The following CELSR3 variants were observed in gnomAD, a reference collection of about 807,000 sequenced individuals.
The protein encoded by CELSR3 is EGF-like protein 1.
CELSR3 carries 73 observed loss-of-function variants against 270.0 expected under a neutral mutation model. The ratio of observed to expected loss-of-function variants is 0.27; its 90% CI spans 0.22 to 0.33. The LOEUF is 0.33. Ranked by LOEUF, CELSR3 falls within the 10% of genes least tolerant of loss-of-function variation. The pLI, the probability that CELSR3 is intolerant of heterozygous loss-of-function variation, is 1.00. For missense variants in CELSR3, 3,614 were observed against 4,533.8 expected (o/e 0.80, Z 5.83); for synonymous variants, 1,780 against 1,905.4 (o/e 0.93, Z 1.71).
chr3:48,646,627 C>T lies in CELSR3; in HGVS notation c.7295+136G>A. The T allele has an allele frequency of 1.1e-6, 1 of 902,608 alleles. No homozygotes were observed. The highest frequency in any genetic ancestry group is 1.8e-5 in the South Asian group (1 of 56,884). The allele number at this position is 902,608 out of a possible 1,614,324, so 55.9% of individuals were successfully genotyped here. On this transcript the variant is annotated intron_variant, in intron 21 of 34. Transcript: ENST00000164024. This position sits in a 1 kb window ranked among gnomAD's most constrained non-coding sequence, Gnocchi z 4.8. Reference sequence around the variant, plus strand: ...ACAACTCCAGAGAATAAGATTCACACAGAACCCGGCAAGGATGGGGCTCCC... The same window carrying T: ...ACAACTCCAGAGAATAAGATTCACATAGAACCCGGCAAGGATGGGGCTCCC...
At position 48,646,774 on chromosome 3, in the gene CELSR3, G is replaced by A. The variant is rs763209519; in HGVS notation, c.7284C>T (p.Arg2428=). 6 of 1,609,414 alleles carry A rather than the reference G, an allele frequency of 3.7e-6. No individual in the cohort carries two copies. The highest frequency in any genetic ancestry group is 2.2e-5 in the East Asian group (1 of 44,502). Residue 2428 remains arginine, a synonymous_variant, in exon 21 of 35, where the codon CGC becomes CGT. Transcript: ENST00000164024. This position sits in a 1 kb window ranked among gnomAD's most constrained non-coding sequence, Gnocchi z 4.8. Reference sequence around the variant, plus strand: ...AGGGGCCTGAGTACCTGGCACCTCGGCGTTCTGCCTGGAACTGGGCAGGGA... The same window carrying A: ...AGGGGCCTGAGTACCTGGCACCTCGACGTTCTGCCTGGAACTGGGCAGGGA... ...GLLPAQFQAE[R]RGARLPQNPV...
At position 48,646,972 on chromosome 3, in the gene CELSR3, C is replaced by T. The variant is rs756805102; in HGVS notation, c.7130-44G>A. On this transcript the variant is annotated intron_variant, in intron 20 of 34. Coordinates refer to ENST00000164024, the MANE Select transcript of CELSR3 (RefSeq NM_001407.3). This position sits in a 1 kb window ranked among gnomAD's most constrained non-coding sequence, Gnocchi z 4.8. ...GAGCTTCTGTCAGTGACCTTTGACC[C>T]AAAGCACCCACCAACCCAGCTCTGA... The T allele has an allele frequency of 2.3e-5, 34 of 1,468,934 alleles. No homozygotes were observed. The highest frequency in any genetic ancestry group is 2.9e-5 in the Non-Finnish European group (32 of 1,111,188). The allele number at this position is 1,468,934 out of a possible 1,614,324, so 91.0% of individuals were successfully genotyped here.
Position 48,659,837 on chromosome 3 carries a change from G to A in CELSR3, c.2798C>T (p.Ala933Val). The change falls in exon 1 of 35, where the codon GCT (alanine) becomes GTT (valine). Residue 933 changes from alanine (A) to valine (V), a missense_variant. Physicochemically the swap from Ala to Val is moderately conservative, Grantham distance 64. Around this residue, in one of 7 missense-constraint regions of CELSR3, gnomAD observed 1,331 missense variants for 1,933.7 expected, o/e 0.69. Coordinates refer to ENST00000164024, the MANE Select transcript of CELSR3 (RefSeq NM_001407.3). The surrounding 1 kb of genome is among the most constrained non-coding windows in gnomAD (Gnocchi z 8.1). ...DQVTYTLAIT[A>V]RDNGIPQKAD... ...CTTCTGTGGGATGCCATTGTCCCGA[G>A]CTGTGATAGCCAGGGTGTAGGTCAC... 6.2e-7 allele frequency: 1 copy of A among 1,614,230 alleles called. No individual in the cohort carries two copies. The highest frequency in any genetic ancestry group is 8.5e-7 in the Non-Finnish European group (1 of 1,180,042).
At position 48,649,145 on chromosome 3, in the gene CELSR3, A is replaced by C; in HGVS notation, c.6543T>G (p.Pro2181=). The change falls in exon 17 of 35, where the codon CCT becomes CCG. Residue 2181 remains proline, a synonymous_variant. Coordinates refer to ENST00000164024, the MANE Select transcript of CELSR3 (RefSeq NM_001407.3). Reference sequence around the variant, plus strand: ...CCAGCAGACTGAGCTCTCGAAAGGCAGGGGAGGTACAGTTGAAGAGGTCGG... The same window carrying C: ...CCAGCAGACTGAGCTCTCGAAAGGCCGGGGAGGTACAGTTGAAGAGGTCGG... ...LEPDLFNCTS[P]AFRELSLLLD... is the part of the protein sequence containing the mutation. 2 of 1,612,610 alleles carry C rather than the reference A, an allele frequency of 1.2e-6. No individual in the cohort carries two copies. The highest frequency in any genetic ancestry group is 1.7e-6 in the Non-Finnish European group (2 of 1,179,562).
chr3:48,658,775 A>T lies in CELSR3; in HGVS notation c.3748+112T>A. On this transcript the variant is annotated intron_variant, in intron 1 of 34. Transcript: ENST00000164024. The surrounding 1 kb of genome is among the most constrained non-coding windows in gnomAD (Gnocchi z 4.7). ...GTAGGGTGCAGGAACCCTACCCTTAAGGGGTTCTTGGAAGGCTTAGAAATC... is the reference window on the plus strand; with the variant it reads ...GTAGGGTGCAGGAACCCTACCCTTATGGGGTTCTTGGAAGGCTTAGAAATC... 1 of 1,329,236 alleles carries T rather than the reference A, an allele frequency of 7.5e-7. No homozygotes were observed. The highest frequency in any genetic ancestry group is 2.3e-5 in the East Asian group (1 of 42,740). 82.3% of individuals were successfully genotyped at this position (1,329,236 alleles called of 1,614,324 possible). A position where few individuals can be genotyped will look rare whatever the true frequency, so the allele number is the denominator to read the frequency against.
At position 48,659,492 on chromosome 3, in the gene CELSR3, C is replaced by G; in HGVS notation, c.3143G>C (p.Arg1048Pro). ...YAVDRGVPPLRTPVSIQVMVQ... is the reference protein window; with the variant it reads ...YAVDRGVPPLPTPVSIQVMVQ... Reference sequence around the variant, plus strand: ...CATCACCTGGATACTGACTGGAGTCCGGAGTGGGGGCACACCTCTGTCCAC... The same window carrying G: ...CATCACCTGGATACTGACTGGAGTCGGGAGTGGGGGCACACCTCTGTCCAC... Residue 1048 changes from arginine (R) to proline (P), a missense_variant, in exon 1 of 35, where the codon CGG (arginine) becomes CCG (proline). By Grantham distance (103) the Arg-to-Pro change is moderately radical (BLOSUM62 -2). Transcript: ENST00000164024. This position sits in a 1 kb window ranked among gnomAD's most constrained non-coding sequence, Gnocchi z 8.1. The G allele has an allele frequency of 6.2e-7, 1 of 1,614,204 alleles. No homozygotes were observed. The highest frequency in any genetic ancestry group is 8.5e-7 in the Non-Finnish European group (1 of 1,180,042).
Position 48,658,278 on chromosome 3 carries a change from C to A in CELSR3, c.3748+609G>T, listed in dbSNP as rs1488935622. On this transcript the variant is annotated intron_variant, in intron 1 of 34. Coordinates refer to ENST00000164024, the MANE Select transcript of CELSR3 (RefSeq NM_001407.3). This position sits in a 1 kb window ranked among gnomAD's most constrained non-coding sequence, Gnocchi z 4.7. ...CTGCAGCCTCCAGTAGGCAGAACTT[C>A]AAGAGCCTCTCCCACCTGCACTCTC... Among the ~76,000 whole-genome samples, 1 of 152,214 alleles carries A rather than the reference C, an allele frequency of 6.6e-6. No individual in the cohort carries two copies. Among genetic ancestry groups the A allele is most frequent in the African/African-American group, 2.4e-5 (1 of 41,458 alleles).
At position 48,642,409 on chromosome 3, in the gene CELSR3, C is replaced by T; in HGVS notation, c.8614G>A (p.Ala2872Thr). The T allele has an allele frequency of 6.2e-7, 1 of 1,613,310 alleles. No individual in the cohort carries two copies. The highest frequency in any genetic ancestry group is 1.1e-5 in the South Asian group (1 of 91,080). ...AADHTDHSLQ[A>T]HAGPTDLDVA... ...TCCAGGTCAGTGGGGCCAGCATGAG[C>T]CTGGAGGCTGTGGTCAGTGTGGTCA... The change falls in exon 31 of 35, where the codon GCT (alanine) becomes ACT (threonine). Residue 2872 changes from alanine (A) to threonine (T), a missense_variant. Transcript: ENST00000164024. The surrounding 1 kb of genome is among the most constrained non-coding windows in gnomAD (Gnocchi z 6.1).
In CELSR3 at chr3:48,646,354, C is replaced by T. The variant is rs1392290539; in HGVS notation, c.7296-97G>A. 5.2e-6 allele frequency: 7 copies of T among 1,344,570 alleles called. No individual in the cohort carries two copies. The African/African-American group carries it at 5.9e-5, about 11-fold the overall frequency. 83.3% of individuals were successfully genotyped at this position (1,344,570 alleles called of 1,614,324 possible). A position where few individuals can be genotyped will look rare whatever the true frequency, so the allele number is the denominator to read the frequency against. On this transcript the variant is annotated intron_variant, in intron 21 of 34. Coordinates refer to ENST00000164024, the MANE Select transcript of CELSR3 (RefSeq NM_001407.3). This position sits in a 1 kb window ranked among gnomAD's most constrained non-coding sequence, Gnocchi z 4.8. ...TTCATGCCACTCGCCAGGGCTGACC[C>T]AGGGTCTGGGATGTCCCCAGAGTGG...
At position 48,661,162 on chromosome 3, in the gene CELSR3, G is replaced by T. The variant is rs1386804103; in HGVS notation, c.1473C>A (p.Arg491=). The T allele has an allele frequency of 2.5e-6, 4 of 1,601,484 alleles. No homozygotes were observed. The Admixed American group carries it at 5.2e-5, about 21-fold the overall frequency. Residue 491 remains arginine (R), a synonymous_variant, in exon 1 of 35, where the codon CGC becomes CGA. Transcript: ENST00000164024. The part of the protein sequence containing the change: ...AAAAAFEIDP[R]SGLISTSGRV... ...GGCCGCTGGTGCTGATGAGGCCGGA[G>T]CGTGGATCAATCTCGAAGGCGGCGG...
At position 48,653,010 on chromosome 3, in the gene CELSR3, G is replaced by A; in HGVS notation, c.5626C>T (p.Leu1876Phe). 1.2e-6 allele frequency: 2 copies of A among 1,613,086 alleles called. No homozygotes were observed. The highest frequency in any genetic ancestry group is 1.7e-5 in the Admixed American group (1 of 60,022). Reference sequence around the variant, plus strand: ...GGGGTCAGAGGCCAGACCTGGAAGAGGCTAAAGTCCAGTGAGACCATAAGG... The same window carrying A: ...GGGGTCAGAGGCCAGACCTGGAAGAAGCTAAAGTCCAGTGAGACCATAAGG... Reference protein sequence around the residue: ...HVLMVSLDFSLFQDTMAVGSE... With the variant: ...HVLMVSLDFSFFQDTMAVGSE... Residue 1876 changes from leucine to phenylalanine, a missense_variant, in exon 10 of 35, where the codon CTC becomes TTC. Leu to Phe is a conservative substitution (Grantham distance 22). This residue lies in a region of CELSR3 where 1,331 missense variants were observed against 1,933.7 expected (regional missense o/e 0.69). Coordinates refer to ENST00000164024, the MANE Select transcript of CELSR3 (RefSeq NM_001407.3). The surrounding 1 kb of genome is among the most constrained non-coding windows in gnomAD (Gnocchi z 6.5).
chr3:48,651,405 C>T lies in CELSR3; in HGVS notation c.6140G>A (p.Gly2047Asp), dbSNP rs771824795. 6.2e-7 allele frequency: 1 copy of T among 1,614,062 alleles called. No homozygotes were observed. Among genetic ancestry groups the T allele is most frequent in the Non-Finnish European group, 8.5e-7 (1 of 1,179,962 alleles). ...TGTCTTGTTGCAGTTGGGATCAAAA[C>T]CTTTGTGAACATCACAGTTGCAGGG... ...CGPCNCDVHK[G>D]FDPNCNKTNG... The change falls in exon 14 of 35, where the codon GGT becomes GAT. Residue 2047 changes from glycine to aspartate, a missense_variant. Physicochemically the swap from Gly to Asp is moderately conservative, Grantham distance 94. Coordinates refer to ENST00000164024, the MANE Select transcript of CELSR3 (RefSeq NM_001407.3). This position sits in a 1 kb window ranked among gnomAD's most constrained non-coding sequence, Gnocchi z 7.4.
chr3:48,640,162 C>T lies in CELSR3; in HGVS notation c.9423G>A (p.Arg3141=), dbSNP rs955068985. ...GAGGTGCCCCTAAGTCGAGCGCATC[C>T]CGTGACCCGAAGCGGCCAGCCATGG... The part of the protein sequence containing the change: ...PGAMAGRFGS[R]DALDLGAPRE... The change falls in exon 34 of 35, where the codon CGG becomes CGA. Residue 3141 remains arginine, a synonymous_variant. Coordinates refer to ENST00000164024, the MANE Select transcript of CELSR3 (RefSeq NM_001407.3). The surrounding 1 kb of genome is among the most constrained non-coding windows in gnomAD (Gnocchi z 7.5). The T allele has an allele frequency of 2.5e-6, 4 of 1,612,650 alleles. No individual in the cohort carries two copies. The highest frequency in any genetic ancestry group is 3.3e-5 in the Admixed American group (2 of 60,010).
At position 48,643,572 on chromosome 3, in the gene CELSR3, A is replaced by C; in HGVS notation, c.8271T>G (p.Ala2757=). ...GAGTCACCTGGAGGCCGCAGAGTCC[A>C]GCATGGAGGTAGTGGAAGGCTAGGA... The part of the protein sequence containing the change: ...HSILAFHYLH[A]GLCGLQGLAV... Residue 2757 remains alanine, a synonymous_variant, in exon 28 of 35, where the codon GCT becomes GCG. Coordinates refer to ENST00000164024, the MANE Select transcript of CELSR3 (RefSeq NM_001407.3). 6.4e-7 allele frequency: 1 copy of C among 1,550,882 alleles called. No individual in the cohort carries two copies. Among genetic ancestry groups the C allele is most frequent in the Non-Finnish European group, 8.7e-7 (1 of 1,146,786 alleles).
rs145148789 is a variant in CELSR3 at position 48,660,390 on chromosome 3, C to G, written c.2245G>C (p.Val749Leu). 2 of 1,614,006 alleles carry G rather than the reference C, an allele frequency of 1.2e-6. No homozygotes were observed. The highest frequency in any genetic ancestry group is 1.7e-6 in the Non-Finnish European group (2 of 1,180,042). The change falls in exon 1 of 35, where the codon GTT (valine) becomes CTT (leucine). Residue 749 changes from valine (V) to leucine (L), a missense_variant. Val to Leu is a conservative substitution (Grantham distance 32). Coordinates refer to ENST00000164024, the MANE Select transcript of CELSR3 (RefSeq NM_001407.3). This position sits in a 1 kb window ranked among gnomAD's most constrained non-coding sequence, Gnocchi z 5.5. ...GTGAACTCAGGCCGATTGTCATTAA[C>G]GTCCAGCACAGTCACGGTGACACTG... The part of the protein sequence containing the change: ...SASVTVTVLD[V>L]NDNRPEFTMK...
Position 48,660,332 on chromosome 3 carries a change from T to C in CELSR3, c.2303A>G (p.Asp768Gly). Reference sequence around the variant, plus strand: ...GACCACACTGGTGCCCACAGCTGCATCCTCATTCAGTCGTAGGTGGTACTC... The same window carrying C: ...GACCACACTGGTGCCCACAGCTGCACCCTCATTCAGTCGTAGGTGGTACTC... ...MKEYHLRLNE[D>G]AAVGTSVVSV... is the part of the protein sequence containing the mutation. Residue 768 changes from aspartate to glycine, a missense_variant, in exon 1 of 35, where the codon GAT (aspartate) becomes GGT (glycine). Physicochemically the swap from Asp to Gly is moderately conservative, Grantham distance 94. Transcript: ENST00000164024. This position sits in a 1 kb window ranked among gnomAD's most constrained non-coding sequence, Gnocchi z 5.5. 6.2e-7 allele frequency: 1 copy of C among 1,614,126 alleles called. No homozygotes were observed. The highest frequency in any genetic ancestry group is 2.2e-5 in the East Asian group (1 of 44,890).
chr3:48,639,647 G>A lies in CELSR3; in HGVS notation c.9911+27C>T, dbSNP rs2047003588. 1 of 1,610,272 alleles carries A rather than the reference G, an allele frequency of 6.2e-7. No individual in the cohort carries two copies. Among genetic ancestry groups the A allele is most frequent in the Admixed American group, 1.7e-5 (1 of 59,912 alleles). On this transcript the variant is annotated intron_variant, in intron 34 of 34. Coordinates refer to ENST00000164024, the MANE Select transcript of CELSR3 (RefSeq NM_001407.3). The surrounding 1 kb of genome is among the most constrained non-coding windows in gnomAD (Gnocchi z 4.1). ...GAGGTTGCCCTAAGCTGATGAGGGT[G>A]CAAGCAGGTGGCTGGACCATACTTA...
Position 48,642,448 on chromosome 3 carries a change from G to A in CELSR3, c.8575C>T (p.His2859Tyr), listed in dbSNP as rs771002020. ...TCAGTGTGGTCAGCGGCTGAGCCAT[G>A]TCGAACCAGGACATTGTCCCTGGAA... Reference protein sequence around the residue: ...SYLRDNVLVRHGSAADHTDHS... With the variant: ...SYLRDNVLVRYGSAADHTDHS... The change falls in exon 31 of 35, where the codon CAT becomes TAT. Residue 2859 changes from histidine (H) to tyrosine (Y), a missense_variant. His to Tyr is a moderately conservative substitution (Grantham distance 83). Around this residue, in one of 7 missense-constraint regions of CELSR3, gnomAD observed 1,240 missense variants for 1,351.7 expected, o/e 0.92. Coordinates refer to ENST00000164024, the MANE Select transcript of CELSR3 (RefSeq NM_001407.3). This position sits in a 1 kb window ranked among gnomAD's most constrained non-coding sequence, Gnocchi z 6.1. The A allele has an allele frequency of 6.2e-6, 10 of 1,612,974 alleles. No homozygotes were observed. In the Admixed American group the frequency reaches 8.3e-5, roughly 13 times the overall value.
chr3:48,640,036 G>T lies in CELSR3; in HGVS notation c.9549C>A (p.Asp3183Glu). 1.9e-6 allele frequency: 3 copies of T among 1,611,328 alleles called. No individual in the cohort carries two copies. The highest frequency in any genetic ancestry group is 2.5e-6 in the Non-Finnish European group (3 of 1,179,774). ...PLSPQRQLSR[D>E]PLLPSRPLDS... ...CCAGCGGCCGGGATGGCAAGAGGGG[G>T]TCCCTTGAGAGTTGCCGCTGGGGAG... Residue 3183 changes from aspartate (D) to glutamate (E), a missense_variant, in exon 34 of 35, where the codon GAC (aspartate) becomes GAA (glutamate). This residue lies in a region of CELSR3 where 1,240 missense variants were observed against 1,351.7 expected (regional missense o/e 0.92). Transcript: ENST00000164024. This position sits in a 1 kb window ranked among gnomAD's most constrained non-coding sequence, Gnocchi z 7.5.
Sources: gnomAD v4.1 joint callset for allele counts (sites outside exome capture counted in the v4.1 genomes callset) on GRCh38, gnomAD v4.1.1 for gene constraint, gnomAD v4.1.1 regional missense constraint, Gnocchi (gnomAD v3.1) non-coding constraint, MANE v1.5 for transcripts, NCBI Gene and HGNC (gene_info 2026-07-23, HGNC 2026-07-21) for gene names.